The following DHRS2 variants were observed in gnomAD, a reference collection of about 807,000 sequenced individuals.
DHRS2 encodes the protein dehydrogenase/reductase 2.
In DHRS2, 29 loss-of-function variants were observed where a neutral mutation model predicts 26.3. That is an observed-to-expected ratio of 1.10 (90% CI 0.82 to 1.50). The LOEUF (loss-of-function observed/expected upper bound fraction) is 1.50. DHRS2 is among the 40% of genes most tolerant of loss of function. DHRS2 has a pLI of 0.00. For missense variants in DHRS2, 439 were observed against 367.1 expected (o/e 1.20, Z -1.60); for synonymous variants, 164 against 151.3 (o/e 1.08, Z -0.62).
chr14:23,642,101 G>C, intron 4 of DHRS2: 1 of 1,056,928 alleles, frequency 9.5e-7, no homozygotes, highest in Non-Finnish European at 1.1e-6. Context: ...TCAGACTTTA[G>C]TCACAAGCAG....
At chr14:23,639,694 G>C in intron 3 of DHRS2, 100 bp from the exon 4 acceptor site, 1 of 1,300,006 alleles carries the variant, frequency 7.7e-7, no homozygotes, top group Non-Finnish European at 1.0e-6. Flanking sequence ...TCCTTTAGGA[G>C]CTCTGCAAGC....
At chr14:23,638,758 G>A (rs1890471781) in intron 1 of DHRS2, 69 bp from the exon 2 acceptor site, 1 of 1,469,040 alleles carries the variant, frequency 6.8e-7, no homozygotes, top group Admixed American at 2.1e-5. Flanking sequence ...TCTGGAGGAA[G>A]GAGGAGGGTA....
At chr14:23,643,436 C>T (rs1365556974) in intron 5 of DHRS2, 3 of 551,816 alleles carry the variant, frequency 5.4e-6, no homozygotes, top group Non-Finnish European at 9.8e-6. Context: ...CCAGGCATAG[C>T]CTCCTTGGCC....
At chr14:23,630,746 A>G (rs1303946073) in intron 1 of DHRS2, among the ~76,000 whole-genome samples, 1 of 152,242 alleles carries the variant, frequency 6.6e-6, no homozygotes, top group Admixed American at 6.5e-5. Flanking sequence ...ACACAAATCA[A>G]TACATGTAAG....
In DHRS2 at chr14:23,643,228, G is replaced by C; in HGVS notation, c.488+9G>C. 17 of 1,613,670 alleles carry C rather than the reference G, an allele frequency of 1.1e-5. No individual in the cohort carries two copies. The highest frequency in any genetic ancestry group is 1.4e-5 in the Non-Finnish European group (16 of 1,179,914). On this transcript the variant is annotated intron_variant, in intron 5 of 8. Transcript: ENST00000250383. ...CCCTACATGGAGAACAGGTATGGCA[G>C]GGCGGGGGTGGGGACCAGTCGGAGT... is the stretch of plus-strand genomic sequence containing the variant.
chr14:23,638,829 C>G lies in DHRS2; in HGVS notation c.-36C>G, dbSNP rs754025097. 6.2e-7 allele frequency: 1 copy of G among 1,604,280 alleles called. No homozygotes were observed. The highest frequency in any genetic ancestry group is 1.3e-5 in the African/African-American group (1 of 74,710). On this transcript the variant is annotated splice_region_variant and 5_prime_UTR_variant, in exon 2 of 9. Coordinates refer to ENST00000250383, the MANE Select transcript of DHRS2 (RefSeq NM_005794.4). ...GTGAAATTGATTCTTTCCCCCAGGC[C>G]TGATTCAGCAGGAAGCATCTCAGAC...
Position 23,645,465 on chromosome 14 carries a change from G to A in DHRS2, c.*212G>A. ...TAGATTTGGCTGATCCAATTAACAT[G>A]TGGGGTTCTTGGTGTGGGTCTGGGG... is the stretch of plus-strand genomic sequence containing the variant. On this transcript the variant is annotated 3_prime_UTR_variant, in exon 9 of 9. Transcript: ENST00000250383. The A allele has an allele frequency of 3.0e-6, 3 of 995,034 alleles. No homozygotes were observed. The highest frequency in any genetic ancestry group is 1.7e-5 in the South Asian group (1 of 57,722). The allele number at this position is 995,034 out of a possible 1,614,324, so 61.6% of individuals were successfully genotyped here. A position where few individuals can be genotyped will look rare whatever the true frequency, so the allele number is the denominator to read the frequency against.
rs112163487 is a variant in DHRS2 at position 23,638,760 on chromosome 14, A to T, written c.-38-67A>T. 6.5e-4 allele frequency: 962 copies of T among 1,478,196 alleles called. 4 individuals are homozygous for T. The African/African-American group carries it at 0.012, about 19-fold the overall frequency. The allele number at this position is 1,478,196 out of a possible 1,614,324, so 91.6% of individuals were successfully genotyped here. Reference sequence around the variant, plus strand: ...CTGGCCTTGTCTGTCTGGAGGAAGGAGGAGGGTAGATTACCTTCATGCTCA... The same window carrying T: ...CTGGCCTTGTCTGTCTGGAGGAAGGTGGAGGGTAGATTACCTTCATGCTCA... On this transcript the variant is annotated intron_variant, in intron 1 of 8. Coordinates refer to ENST00000250383, the MANE Select transcript of DHRS2 (RefSeq NM_005794.4).
intron 3 of DHRS2, among the ~76,000 whole-genome samples, chr14:23,639,590 G>A (rs564608839): frequency 5.4e-4 from 82 of 152,210 alleles, no homozygotes; most frequent in African/African-American, 1.9e-3. Context: ...GAGTCTGAAG[G>A]GGTGAGGGAG....
chr14:23,635,088 G>C (rs1890233681), upstream of DHRS2, among the ~76,000 whole-genome samples: 1 of 151,598 alleles, frequency 6.6e-6, no homozygotes, highest in Non-Finnish European at 1.5e-5. Flanking sequence ...TTTGAGACAG[G>C]GTCTTGCTCT....
intron 4 of DHRS2, chr14:23,641,465 G>A (rs1277034637): frequency 4.3e-6 from 2 of 468,566 alleles, no homozygotes; most frequent in Non-Finnish European, 7.0e-6. Flanking sequence ...TTCTAATGGG[G>A]CAGTTTTCTT....
chr14:23,645,401 A>C lies in DHRS2; in HGVS notation c.*148A>C. On this transcript the variant is annotated 3_prime_UTR_variant, in exon 9 of 9. Coordinates refer to ENST00000250383, the MANE Select transcript of DHRS2 (RefSeq NM_005794.4). ...ACTCATGCTAGGCTTGAGGAAGAAG[A>C]AAAACGCTTCGGCATTCTCCTTAGG... The C allele has an allele frequency of 6.6e-7, 1 of 1,516,106 alleles. No homozygotes were observed. The highest frequency in any genetic ancestry group is 1.9e-5 in the Admixed American group (1 of 52,564). The allele number at this position is 1,516,106 out of a possible 1,614,324, so 93.9% of individuals were successfully genotyped here. A position where few individuals can be genotyped will look rare whatever the true frequency, so the allele number is the denominator to read the frequency against.
intron 4 of DHRS2, 85 bp downstream of exon 4, chr14:23,639,980 C>CT: frequency 4.1e-6 from 5 of 1,206,336 alleles, no homozygotes; most frequent in Non-Finnish European, 5.5e-6. Flanking sequence ...CACCAAGACT[C>CT]TGTTTCCCTC....
At chr14:23,644,202 G>C in intron 6 of DHRS2, 40 bp downstream of exon 6, 1 of 1,608,578 alleles carries the variant, frequency 6.2e-7, no homozygotes, top group Non-Finnish European at 8.5e-7. Flanking sequence ...GGTATAGGGT[G>C]AGGGGCAACT....
Position 23,644,420 on chromosome 14 carries a change from C to G in DHRS2, c.552C>G (p.Val184=). The G allele has an allele frequency of 6.2e-7, 1 of 1,614,162 alleles. No individual in the cohort carries two copies. Among genetic ancestry groups the G allele is most frequent in the Admixed American group, 1.7e-5 (1 of 60,020 alleles). ...AATTCCCTTCCCAGGCGCTGGGTGT[C>G]TACAATGTCAGCAAGACAGCGCTGC... ...AAYNPVVALG[V]YNVSKTALLG... Residue 184 remains valine (V), a synonymous_variant, in exon 7 of 9, where the codon GTC becomes GTG. Coordinates refer to ENST00000250383, the MANE Select transcript of DHRS2 (RefSeq NM_005794.4).
At chr14:23,635,635 G>A (rs1396874451), upstream of DHRS2, among the ~76,000 whole-genome samples, 1 of 152,270 alleles carries the variant, frequency 6.6e-6, no homozygotes, top group South Asian at 2.1e-4. Flanking sequence ...AGTGAGAGGT[G>A]ACAATATGCT....
At chr14:23,639,105 T>C in intron 2 of DHRS2, 74 bp from the exon 3 acceptor site, 2 of 1,592,634 alleles carry the variant, frequency 1.3e-6, no homozygotes, top group Non-Finnish European at 1.7e-6. Flanking sequence ...TATTTGCTGA[T>C]TTCCAGAGCT....
In DHRS2 at chr14:23,645,412, G is replaced by C; in HGVS notation, c.*159G>C. 6.9e-7 allele frequency: 1 copy of C among 1,459,712 alleles called. No individual in the cohort carries two copies. The highest frequency in any genetic ancestry group is 9.2e-7 in the Non-Finnish European group (1 of 1,082,636). The allele number at this position is 1,459,712 out of a possible 1,614,324, so 90.4% of individuals were successfully genotyped here. A position where few individuals can be genotyped will look rare whatever the true frequency, so the allele number is the denominator to read the frequency against. On this transcript the variant is annotated 3_prime_UTR_variant, in exon 9 of 9. Coordinates refer to ENST00000250383, the MANE Select transcript of DHRS2 (RefSeq NM_005794.4). Reference sequence around the variant, plus strand: ...GCTTGAGGAAGAAGAAAAACGCTTCGGCATTCTCCTTAGGACTTATCTGCT... The same window carrying C: ...GCTTGAGGAAGAAGAAAAACGCTTCCGCATTCTCCTTAGGACTTATCTGCT...
Position 23,644,670 on chromosome 14 carries a change from C to T in DHRS2, c.675+127C>T, listed in dbSNP as rs1234541019. 4.6e-6 allele frequency: 7 copies of T among 1,509,272 alleles called. No homozygotes were observed. In the East Asian group the frequency reaches 1.4e-4, roughly 29 times the overall value. 93.5% of individuals were successfully genotyped at this position (1,509,272 alleles called of 1,614,324 possible). ...CTATGACTGAGGTCCTCATTGTTCT[C>T]TGAACTCAGCCATGGTGCAGTCCAT... On this transcript the variant is annotated intron_variant, in intron 7 of 8. Transcript: ENST00000250383.
Sources: gnomAD v4.1 joint callset for allele counts (sites outside exome capture counted in the v4.1 genomes callset) on GRCh38, gnomAD v4.1.1 for gene constraint, MANE v1.5 for transcripts, NCBI Gene and HGNC (gene_info 2026-07-23, HGNC 2026-07-21) for gene names.